The following TMPRSS6 variants were observed in gnomAD, a reference collection of about 807,000 sequenced individuals.
TMPRSS6 encodes the protein transmembrane protease serine 6.
In TMPRSS6, 67 loss-of-function variants were observed where a neutral mutation model predicts 101.5. That is an observed-to-expected ratio of 0.66 (90% CI 0.54 to 0.81). TMPRSS6 has a LOEUF of 0.81. Ranked by LOEUF, TMPRSS6 falls within the 30% of genes least tolerant of loss-of-function variation. TMPRSS6 has a pLI of 0.00. For missense variants in TMPRSS6, 1,034 were observed against 1,088.7 expected, an observed-to-expected ratio of 0.95 and a Z score of 0.71; for synonymous variants, 453 against 464.9, an observed-to-expected ratio of 0.97 and a Z score of 0.33.
intron 1 of TMPRSS6, among the ~76,000 whole-genome samples, chr22:37,108,580 G>A (rs1930860269): frequency 6.6e-6 from 1 of 152,190 alleles, no homozygotes; most frequent in Admixed American, 6.5e-5. Context: ...TGAGCTCCTT[G>A]GGGCGGGGCC....
chr22:37,089,545 C>CCCAACCAA, intron 7 of TMPRSS6, 33 bp downstream of exon 7: 4 of 812,854 alleles, frequency 4.9e-6, no homozygotes, highest in Admixed American at 2.0e-5. Context: ...CCTTTTCCAG[C>CCCAACCAA]CCTCCCTCCT....
intron 2 of TMPRSS6, 133 bp from the exon 3 acceptor site, chr22:37,098,682 GTCATCA>G (rs912580156): frequency 5.0e-5 from 56 of 1,125,740 alleles, no homozygotes; most frequent in Non-Finnish European, 7.1e-5. Flanking sequence ...CACCATCAAT[GTCATCA>G]TCATCATCTT....
chr22:37,098,220 C>T (rs1443631050), intron 3 of TMPRSS6, among the ~76,000 whole-genome samples, 196 bp downstream of exon 3: 10 of 152,100 alleles, frequency 6.6e-5, no homozygotes, highest in Non-Finnish European at 1.5e-4. Flanking sequence ...GGATCTAATC[C>T]GAGTGCTATT....
chr22:37,082,173 C>T (rs1396086683), intron 10 of TMPRSS6, among the ~76,000 whole-genome samples: 1 of 152,166 alleles, frequency 6.6e-6, no homozygotes, highest in Admixed American at 6.5e-5. Context: ...ATCTGCGTGC[C>T]ACCTAATCCT....
chr22:37,084,432 G>A, intron 9 of TMPRSS6, 28 bp from the exon 10 acceptor site: 5 of 1,570,230 alleles, frequency 3.2e-6, no homozygotes, highest in Non-Finnish European at 4.4e-6. Flanking sequence ...GCCATCAGGT[G>A]GCCCATGGGG....
chr22:37,082,713 T>C, intron 10 of TMPRSS6: 1 of 348,088 alleles, frequency 2.9e-6, no homozygotes, highest in South Asian at 2.2e-5. Flanking sequence ...ACAGGCCTGA[T>C]GTCACACTCC....
rs548945502 is a variant in TMPRSS6, at chr22:37,095,629, CAAAAAAA to C, written c.590-44_590-38del. On this transcript the variant is annotated intron_variant, in intron 5 of 17. Coordinates refer to ENST00000676104, the MANE Select transcript of TMPRSS6 (RefSeq NM_001374504.1). Reference sequence around the variant, plus strand: ...AAATGAACAAACAAATAAACAAGAACAAAAAAAAAAAAAAAGAAAAGAAAATACAATG... The same window carrying C: ...AAATGAACAAACAAATAAACAAGAACAAAAAAAAGAAAAGAAAATACAATG... 50 of 1,177,258 alleles carry C rather than the reference CAAAAAAA, an allele frequency of 4.2e-5. 1 individual carries two copies. Among genetic ancestry groups the C allele is most frequent in the Middle Eastern group, 5.3e-4 (2 of 3,754 alleles). 72.9% of individuals were successfully genotyped at this position (1,177,258 alleles called of 1,614,324 possible). A position where few individuals can be genotyped will look rare whatever the true frequency, so the allele number is the denominator to read the frequency against.
In TMPRSS6 at chr22:37,086,382, C is replaced by T; in HGVS notation, c.874G>A (p.Val292Ile). ...GCSRQEPVVE[V>I]LASGAIMAVV... ...GCCATGATGGCCCCCGACGCCAGAA[C>T]CTCCACCACGGGCTCCTGGCGGCTG... The change falls in exon 8 of 18, where the codon GTT (valine) becomes ATT (isoleucine). Residue 292 changes from valine (V) to isoleucine (I), a missense_variant. Transcript: ENST00000676104. 1 of 1,608,498 alleles carries T rather than the reference C, an allele frequency of 6.2e-7. No homozygotes were observed. The highest frequency in any genetic ancestry group is 8.5e-7 in the Non-Finnish European group (1 of 1,177,462).
intron 6 of TMPRSS6, among the ~76,000 whole-genome samples, chr22:37,093,206 C>A (rs572066413): frequency 6.6e-6 from 1 of 152,086 alleles, no homozygotes; most frequent in African/African-American, 2.4e-5. Flanking sequence ...TGCTTTCATT[C>A]ATTTGTTCAA....
intron 6 of TMPRSS6, among the ~76,000 whole-genome samples, chr22:37,092,828 C>T (rs1279237582): frequency 1.3e-5 from 2 of 152,232 alleles, no homozygotes; most frequent in Non-Finnish European, 2.9e-5. Flanking sequence ...TCCATGAAGT[C>T]TTCCAGGATC....
chr22:37,075,283 G>T lies in TMPRSS6; in HGVS notation c.1197-3C>A. The T allele has an allele frequency of 3.1e-6, 5 of 1,612,678 alleles. No individual in the cohort carries two copies. The highest frequency in any genetic ancestry group is 4.2e-6 in the Non-Finnish European group (5 of 1,179,420). ...GCAGGATGCGCAAGCCACACAGCCT[G>T]GGGGGAGTCAGAGACGACTCAGGGC... On this transcript the variant is annotated splice_region_variant and splice_polypyrimidine_tract_variant and intron_variant, in intron 10 of 17. Coordinates refer to ENST00000676104, the MANE Select transcript of TMPRSS6 (RefSeq NM_001374504.1).
intron 2 of TMPRSS6, among the ~76,000 whole-genome samples, chr22:37,098,929 G>A (rs1244704397): frequency 6.6e-6 from 1 of 152,226 alleles, no homozygotes; most frequent in African/African-American, 2.4e-5. Flanking sequence ...CCACTCGTGA[G>A]GTCACCCAGG....
chr22:37,067,079 C>G (rs1926371095), intron 16 of TMPRSS6, 117 bp from the exon 17 acceptor site: 1 of 1,482,650 alleles, frequency 6.7e-7, no homozygotes, highest in Non-Finnish European at 9.2e-7. Context: ...GCTCTGCCCA[C>G]CCTTACCCCT....
At chr22:37,092,800 C>A (rs1216048607) in intron 6 of TMPRSS6, among the ~76,000 whole-genome samples, 1 of 152,210 alleles carries the variant, frequency 6.6e-6, no homozygotes, top group Non-Finnish European at 1.5e-5. Context: ...CCGGCCCATG[C>A]CCAAATCTGA....
At chr22:37,083,035 G>A (rs1928387565) in intron 10 of TMPRSS6, 1 of 471,104 alleles carries the variant, frequency 2.1e-6, no homozygotes, top group South Asian at 1.5e-5. Context: ...TAGAGCCCCA[G>A]AGCCTTCCAA....
Position 37,066,068 on chromosome 22 carries a change from G to C in TMPRSS6, c.*12C>G. The C allele has an allele frequency of 6.2e-7, 1 of 1,613,472 alleles. No homozygotes were observed. The highest frequency in any genetic ancestry group is 8.5e-7 in the Non-Finnish European group (1 of 1,179,980). On this transcript the variant is annotated 3_prime_UTR_variant, in exon 18 of 18. Transcript: ENST00000676104. ...CCAGGAGGTGGGCCCTGCTTTGCAG[G>C]GGGGCAGTTCCTCAGGTCACCACTT...
chr22:37,078,539 T>A (rs1203284775), intron 10 of TMPRSS6, among the ~76,000 whole-genome samples: 2 of 151,966 alleles, frequency 1.3e-5, no homozygotes, highest in African/African-American at 2.4e-5. Flanking sequence ...CAGAGAGGAA[T>A]TCAAGGCAGC....
upstream of TMPRSS6, among the ~76,000 whole-genome samples, chr22:37,110,073 G>A (rs1930969502): frequency 6.6e-6 from 1 of 151,960 alleles, no homozygotes; most frequent in Admixed American, 6.5e-5. Flanking sequence ...AGAAAGGGGA[G>A]GCAGGGGTGG....
At chr22:37,066,281 A>T (rs748704198) in intron 17 of TMPRSS6, 43 bp from the exon 18 acceptor site, 1 of 1,550,166 alleles carries the variant, frequency 6.5e-7, no homozygotes, top group South Asian at 1.2e-5. Flanking sequence ...GGGTAAGGGC[A>T]CCCCCTTTTC....
Sources: allele counts gnomAD v4.1 joint callset (sites outside exome capture counted in the v4.1 genomes callset), GRCh38; gene constraint gnomAD v4.1.1; transcripts MANE v1.5; gene names NCBI Gene and HGNC (gene_info 2026-07-23, HGNC 2026-07-21).